Variants in CNOT2 observed in about 807,000 individuals in gnomAD.
CNOT2 encodes the protein CCR4-NOT transcription complex subunit 2.
Under a neutral mutation model 72.1 loss-of-function variants are expected in CNOT2, and 7 were observed. The observed-to-expected ratio is 0.10, with a 90% CI of 0.06 to 0.18. The LOEUF is 0.18. CNOT2 is among the 10% of genes least tolerant of loss of function. The pLI is 1.00. For missense variants in CNOT2, 345 were observed against 660.3 expected, an observed-to-expected ratio of 0.52 and a Z score of 5.23; for synonymous variants, 196 against 225.6, an observed-to-expected ratio of 0.87 and a Z score of 1.17.
intron 6 of CNOT2, chr12:70,330,828 CT>C (rs1437482827): frequency 2.9e-5 from 5 of 169,840 alleles, no homozygotes; most frequent in Non-Finnish European, 6.2e-5. Flanking sequence ...TTGACTATTA[CT>C]ACTTTGCTTT....
At chr12:70,263,297 TTCTC>T (rs1253670077) in intron 1 of CNOT2, among the ~76,000 whole-genome samples, 3 of 152,106 alleles carry the variant, frequency 2.0e-5, no homozygotes, top group Non-Finnish European at 4.4e-5. Context: ...TTCTGTTCTT[TTCTC>T]TCTCCTTTCT....
chr12:70,329,599 CA>C, intron 5 of CNOT2, 29 bp downstream of exon 5: 1 of 1,533,282 alleles, frequency 6.5e-7, no homozygotes, highest in Non-Finnish European at 9.0e-7. Context: ...GAATATTTTT[CA>C]AAATGTATCT....
chr12:70,269,712 C>T (rs987835491), intron 1 of CNOT2, among the ~76,000 whole-genome samples: 2 of 152,034 alleles, frequency 1.3e-5, no homozygotes, highest in Non-Finnish European at 2.9e-5. Flanking sequence ...GGCTTGTTAC[C>T]TACATTTTAA....
At chr12:70,278,948 A>G (rs1444159591) in intron 2 of CNOT2, among the ~76,000 whole-genome samples, 1 of 152,236 alleles carries the variant, frequency 6.6e-6, no homozygotes, top group Non-Finnish European at 1.5e-5. Flanking sequence ...GAAAACCAAC[A>G]TATTTGAATT....
rs1284616950 is a variant in CNOT2, at chr12:70,354,662, T to C, written c.*747T>C. ...TATGTATGTACGAATGTGTATATATTATATATATGACATCTATTTTGGAAA... is the reference window on the plus strand; with the variant it reads ...TATGTATGTACGAATGTGTATATATCATATATATGACATCTATTTTGGAAA... On this transcript the variant is annotated 3_prime_UTR_variant, in exon 16 of 16. Transcript: ENST00000229195. The C allele has an allele frequency of 6.6e-6, 1 of 152,638 alleles. No individual in the cohort carries two copies. The highest frequency in any genetic ancestry group is 6.5e-5 in the Admixed American group (1 of 15,276). The allele number at this position is 152,638 out of a possible 1,614,324, so 9.5% of individuals were successfully genotyped here. A position where few individuals can be genotyped will look rare whatever the true frequency, so the allele number is the denominator to read the frequency against.
chr12:70,354,122 G>A lies in CNOT2; in HGVS notation c.*207G>A. 1.0e-6 allele frequency: 1 copy of A among 987,406 alleles called. No individual in the cohort carries two copies. The highest frequency in any genetic ancestry group is 1.3e-6 in the Non-Finnish European group (1 of 741,314). The allele number at this position is 987,406 out of a possible 1,614,324, so 61.2% of individuals were successfully genotyped here. A position where few individuals can be genotyped will look rare whatever the true frequency, so the allele number is the denominator to read the frequency against. On this transcript the variant is annotated 3_prime_UTR_variant, in exon 16 of 16. Transcript: ENST00000229195. ...TGCCCAACAACTAAATTTGTAATTT[G>A]TTTTTCTCTAGTTTGAGCAGGGTCT...
At chr12:70,347,415 G>A (rs891489164) in intron 15 of CNOT2, among the ~76,000 whole-genome samples, 4 of 152,040 alleles carry the variant, frequency 2.6e-5, no homozygotes, top group Non-Finnish European at 4.4e-5. Flanking sequence ...GGTGGATCAT[G>A]AGATCAGGAG....
At chr12:70,249,592 C>T (rs1051032459) in intron 1 of CNOT2, among the ~76,000 whole-genome samples, 1 of 151,916 alleles carries the variant, frequency 6.6e-6, no homozygotes, top group African/African-American at 2.4e-5. Flanking sequence ...TAATGGAAGA[C>T]TTGTTTTTGT....
At chr12:70,309,371 A>C (rs1876056733) in intron 2 of CNOT2, among the ~76,000 whole-genome samples, 1 of 152,196 alleles carries the variant, frequency 6.6e-6, no homozygotes, top group Non-Finnish European at 1.5e-5. Flanking sequence ...ACCTGACTGA[A>C]TAGGTTTTCA....
chr12:70,293,115 A>AT (rs1360491472), intron 2 of CNOT2, among the ~76,000 whole-genome samples: 5 of 146,882 alleles, frequency 3.4e-5, no homozygotes, highest in Admixed American at 3.4e-4. Context: ...CACTTTTTAT[A>AT]TTTTCAAGGA....
At chr12:70,328,858 GT>G (rs907647582) in intron 4 of CNOT2, among the ~76,000 whole-genome samples, 4 of 151,380 alleles carry the variant, frequency 2.6e-5, no homozygotes, top group Non-Finnish European at 4.4e-5. Flanking sequence ...ATCAGTTTGA[GT>G]TTTTTTTAAC....
At chr12:70,283,213 T>C (rs746582416) in intron 2 of CNOT2, among the ~76,000 whole-genome samples, 15 of 152,182 alleles carry the variant, frequency 9.9e-5, no homozygotes, top group Non-Finnish European at 1.5e-4. Context: ...GTCATAGTTG[T>C]GACAAACAGT....
intron 3 of CNOT2, among the ~76,000 whole-genome samples, chr12:70,315,518 A>G (rs1357367488): frequency 3.3e-5 from 5 of 152,128 alleles, no homozygotes; most frequent in African/African-American, 1.2e-4. Flanking sequence ...AATTGCTGTC[A>G]TGGTCATGGA....
intron 13 of CNOT2, 84 bp downstream of exon 13, chr12:70,342,391 T>C: frequency 6.8e-7 from 1 of 1,466,350 alleles, no homozygotes; most frequent in Non-Finnish European, 9.4e-7. Context: ...CATACTATTT[T>C]TGAAATAATT....
At chr12:70,342,015 C>T in intron 11 of CNOT2, 92 bp from the exon 12 acceptor site, 1 of 830,862 alleles carries the variant, frequency 1.2e-6, no homozygotes, top group South Asian at 1.4e-5. Context: ...TAAAGATGGT[C>T]ATTTTACAGT....
Position 70,262,730 on chromosome 12 carries a change from G to A in CNOT2, c.-95-15402G>A, listed in dbSNP as rs558543471. Among the ~76,000 whole-genome samples the A allele has an allele frequency of 1.9e-4, 29 of 151,814 alleles. No homozygotes were observed. The South Asian group carries it at 5.8e-3, about 31-fold the overall frequency. ...TCTCTGTTACCCAGGCTGGAGTGCA[G>A]TGGTGTGATCTCGGCTCACCGCAAC... On this transcript the variant is annotated intron_variant, in intron 1 of 15. Transcript: ENST00000229195.
intron 1 of CNOT2, among the ~76,000 whole-genome samples, chr12:70,264,857 C>T (rs112426477): frequency 1.3e-5 from 2 of 152,028 alleles, no homozygotes; most frequent in South Asian, 2.1e-4. Flanking sequence ...AATAGTTTTT[C>T]GTTTGCTGTA....
chr12:70,281,079 T>G (rs1869739337), intron 2 of CNOT2, among the ~76,000 whole-genome samples: 2 of 147,636 alleles, frequency 1.4e-5, no homozygotes, highest in Admixed American at 7.2e-5. Flanking sequence ...AATCAATGGC[T>G]TTCCCTTTTT....
intron 3 of CNOT2, among the ~76,000 whole-genome samples, chr12:70,314,082 A>C (rs1876921191): frequency 6.6e-6 from 1 of 152,098 alleles, no homozygotes; most frequent in Non-Finnish European, 1.5e-5. Flanking sequence ...TTTCGGAAGG[A>C]TATTTCTCCC....
Sources: allele counts gnomAD v4.1 joint callset (sites outside exome capture counted in the v4.1 genomes callset), GRCh38; gene constraint gnomAD v4.1.1; transcripts MANE v1.5; gene names NCBI Gene and HGNC (gene_info 2026-07-23, HGNC 2026-07-21).